The following IL1RAPL2 variants were observed in gnomAD, a reference collection of about 807,000 sequenced individuals.
IL1RAPL2 encodes the protein interleukin 1 receptor accessory protein like 2, also known as X-linked interleukin-1 receptor accessory protein-like 2.
In IL1RAPL2, 3 loss-of-function variants were observed where a neutral mutation model predicts 44.1. The ratio of observed to expected loss-of-function variants is 0.07; its 90% CI spans 0.03 to 0.18. The LOEUF is 0.18. Among genes scored for constraint, IL1RAPL2 ranks in the 10% least tolerant of loss-of-function variants. The pLI is 1.00. For synonymous variants in IL1RAPL2, 181 were observed against 178.8 expected (o/e 1.01, Z -0.10); for missense variants, 391 against 496.4 (o/e 0.79, Z 2.02).
At chrX:105,338,614 G>C (rs1416156435) in intron 5 of IL1RAPL2, among the ~76,000 whole-genome samples, 8 of 111,755 alleles carry the variant, frequency 7.2e-5, no homozygotes, top group African/African-American at 2.6e-4. Context: ...CTAGTTCTAT[G>C]GTGAGGCCAA....
intron 2 of IL1RAPL2, among the ~76,000 whole-genome samples, chrX:105,052,740 G>A (rs983776645): frequency 2.8e-5 from 3 of 108,928 alleles, no homozygotes; most frequent in African/African-American, 1.0e-4. Context: ...TTAAGTTCCA[G>A]GATACAAGTG....
chrX:105,580,014 C>G (rs1221689950), intron 6 of IL1RAPL2, among the ~76,000 whole-genome samples: 1 of 111,923 alleles, frequency 8.9e-6, no homozygotes, highest in African/African-American at 3.3e-5. Flanking sequence ...CTCTGAAACA[C>G]TGTAGCACAA....
chrX:104,645,971 G>T (rs1277482025), intron 1 of IL1RAPL2, among the ~76,000 whole-genome samples: 1 of 112,079 alleles, frequency 8.9e-6, no homozygotes, highest in Admixed American at 9.5e-5. Flanking sequence ...TGGTCAACCA[G>T]ATTAATGGAT....
intron 6 of IL1RAPL2, among the ~76,000 whole-genome samples, chrX:105,712,228 T>C (rs2038216912): frequency 8.9e-6 from 1 of 111,803 alleles, no homozygotes; most frequent in Non-Finnish European, 1.9e-5. Flanking sequence ...ACTCTTGCAT[T>C]TTGCAAGCCT....
chrX:105,652,504 T>G (rs1442909453), intron 6 of IL1RAPL2, among the ~76,000 whole-genome samples: 2 of 111,780 alleles, frequency 1.8e-5, no homozygotes, highest in African/African-American at 6.5e-5. Context: ...TTATTATCAT[T>G]GTCATCATAG....
At chrX:105,328,315 A>G (rs932131088) in intron 5 of IL1RAPL2, among the ~76,000 whole-genome samples, 1 of 111,653 alleles carries the variant, frequency 9.0e-6, no homozygotes, top group Non-Finnish European at 1.9e-5. Flanking sequence ...GGAGAACCTT[A>G]CCATTTTAAA....
At chrX:104,761,381 C>T (rs1482190618) in intron 2 of IL1RAPL2, among the ~76,000 whole-genome samples, 1 of 110,686 alleles carries the variant, frequency 9.0e-6, no homozygotes, top group African/African-American at 3.3e-5. Context: ...GGGGTAACAG[C>T]CCCCATGATT....
intron 2 of IL1RAPL2, among the ~76,000 whole-genome samples, chrX:105,157,591 G>T (rs1452609014): frequency 1.8e-5 from 2 of 112,145 alleles, no homozygotes; most frequent in Non-Finnish European, 3.8e-5. Flanking sequence ...ATTAGTTGTG[G>T]CCAGTGGAGG....
At chrX:105,309,117 C>G (rs1024395551) in intron 5 of IL1RAPL2, among the ~76,000 whole-genome samples, 1 of 110,483 alleles carries the variant, frequency 9.1e-6, no homozygotes, top group Non-Finnish European at 1.9e-5. Flanking sequence ...TCACTGCAAC[C>G]TCCGCCTCTC....
intron 2 of IL1RAPL2, among the ~76,000 whole-genome samples, chrX:105,108,230 T>A (rs184834603): frequency 1.8e-5 from 2 of 112,186 alleles, no homozygotes; most frequent in African/African-American, 6.5e-5. Flanking sequence ...AGGATGAATT[T>A]ATCAACTCAC....
At chrX:104,810,913 C>T (rs1489631340) in intron 2 of IL1RAPL2, among the ~76,000 whole-genome samples, 5 of 112,199 alleles carry the variant, frequency 4.5e-5, no homozygotes, top group Non-Finnish European at 9.4e-5. Context: ...TACCCAGTAT[C>T]CACTATTCCT....
At chrX:104,640,652 A>T (rs1929915509) in intron 1 of IL1RAPL2, among the ~76,000 whole-genome samples, 1 of 111,828 alleles carries the variant, frequency 8.9e-6, no homozygotes, top group South Asian at 3.7e-4. Context: ...TTCATAGGGG[A>T]GTACTTTTTC....
chrX:104,708,149 C>T (rs753389245), intron 2 of IL1RAPL2, among the ~76,000 whole-genome samples: 7 of 111,981 alleles, frequency 6.3e-5, no homozygotes, highest in Admixed American at 4.7e-4. Flanking sequence ...GTTACAGCTT[C>T]TTTCAATTTT....
chrX:105,357,715 T>G (rs2035213932), intron 5 of IL1RAPL2, among the ~76,000 whole-genome samples: 1 of 102,529 alleles, frequency 9.8e-6, no homozygotes, highest in East Asian at 2.8e-4. Flanking sequence ...GTTTTTGCTT[T>G]TTTTGATAAA....
chrX:105,715,699 A>G (rs957917985), intron 6 of IL1RAPL2, among the ~76,000 whole-genome samples: 2 of 111,605 alleles, frequency 1.8e-5, no homozygotes, highest in African/African-American at 6.5e-5. Context: ...GTATGGAGTT[A>G]GAGCAGATCC....
chrX:104,824,415 A>C (rs746192607), intron 2 of IL1RAPL2, among the ~76,000 whole-genome samples: 5 of 111,951 alleles, frequency 4.5e-5, no homozygotes, highest in Non-Finnish European at 3.8e-5. Context: ...AAATGAGTTA[A>C]GGAGGAGTCC....
chrX:105,414,183 A>G (rs2035716262), intron 5 of IL1RAPL2, among the ~76,000 whole-genome samples: 1 of 110,425 alleles, frequency 9.1e-6, no homozygotes, highest in South Asian at 3.8e-4. Flanking sequence ...GCTGGAGTGC[A>G]GTGGCGCGAT....
At chrX:105,726,653 A>C (rs1158906127) in intron 7 of IL1RAPL2, among the ~76,000 whole-genome samples, 2 of 110,335 alleles carry the variant, frequency 1.8e-5, no homozygotes, top group Admixed American at 9.7e-5. Flanking sequence ...TGATGCCCCA[A>C]ACCTGCTTTG....
chrX:105,345,003 T>C (rs73519367), intron 5 of IL1RAPL2, among the ~76,000 whole-genome samples: 185 of 111,966 alleles, frequency 1.7e-3, no homozygotes, highest in African/African-American at 5.8e-3. Context: ...TTGATTGTTT[T>C]GCTTCATTGA....
Sources: gnomAD v4.1 joint callset for allele counts (sites outside exome capture counted in the v4.1 genomes callset) on GRCh38, gnomAD v4.1.1 for gene constraint, MANE v1.5 for transcripts, NCBI Gene and HGNC (gene_info 2026-07-23, HGNC 2026-07-21) for gene names.